TMEM132B: variants seen among roughly 807,000 people sequenced by gnomAD.
TMEM132B encodes the protein transmembrane protein 132B.
A neutral mutation model predicts 90.8 loss-of-function variants in TMEM132B; 18 were observed. That is an observed-to-expected ratio of 0.20 (90% CI 0.14 to 0.29). TMEM132B has a LOEUF of 0.29. Ranked by LOEUF, TMEM132B falls within the 10% of genes least tolerant of loss-of-function variation. The probability of loss-of-function intolerance (pLI) is 1.00; values close to 1 mark genes in which losing one functional copy is unlikely to be tolerated. For synonymous variants in TMEM132B, 504 were observed against 523.3 expected (o/e 0.96, Z 0.50); for missense variants, 1,096 against 1,326.8 (o/e 0.83, Z 2.70).
intron 1 of TMEM132B, among the ~76,000 whole-genome samples, chr12:125,283,438 C>A (rs1875256227): frequency 6.6e-6 from 1 of 152,104 alleles, no homozygotes; most frequent in Non-Finnish European, 1.5e-5. Context: ...TCTGTTCCTG[C>A]TGTGTACCCG....
At chr12:125,526,561 G>A (rs1883468990) in intron 4 of TMEM132B, among the ~76,000 whole-genome samples, 2 of 152,236 alleles carry the variant, frequency 1.3e-5, no homozygotes, top group South Asian at 2.1e-4. Context: ...GGTGCCCTCT[G>A]AGAAGGTGCT....
intron 4 of TMEM132B, among the ~76,000 whole-genome samples, chr12:125,561,452 A>T (rs1329868628): frequency 6.6e-6 from 1 of 152,152 alleles, no homozygotes; most frequent in Non-Finnish European, 1.5e-5. Context: ...GCAAACCACC[A>T]TGGCACGTGT....
At chr12:125,372,397 C>T (rs1050141277) in intron 2 of TMEM132B, among the ~76,000 whole-genome samples, 2 of 152,222 alleles carry the variant, frequency 1.3e-5, no homozygotes, top group East Asian at 3.8e-4. Flanking sequence ...TCTTCACTTA[C>T]AGCAATGCAG....
At position 125,207,078 on chromosome 12, in the gene TMEM132B, C is replaced by T. The variant is rs78593943; in HGVS notation, c.67+20212C>T. 4.5e-3 allele frequency among the ~76,000 whole-genome samples: 680 copies of T among 152,306 alleles called. 4 individuals are homozygous for T. Among genetic ancestry groups the T allele is most frequent in the African/African-American group, 0.016 (646 of 41,586 alleles). On this transcript the variant is annotated intron_variant, in intron 1 of 8. Transcript: ENST00000682704. ...TACCACTGGTTATCAACCAGCATCTCGTGGCACATACAGCCCAGGGCATAT... is the reference window on the plus strand; with the variant it reads ...TACCACTGGTTATCAACCAGCATCTTGTGGCACATACAGCCCAGGGCATAT...
intron 2 of TMEM132B, among the ~76,000 whole-genome samples, chr12:125,377,161 C>T (rs374996532): frequency 4.6e-5 from 7 of 152,232 alleles, no homozygotes; most frequent in African/African-American, 1.7e-4. Context: ...AACACCTGTG[C>T]AGGTGGGTAG....
At chr12:125,623,642 G>T (rs1056910749) in intron 5 of TMEM132B, among the ~76,000 whole-genome samples, 2 of 152,144 alleles carry the variant, frequency 1.3e-5, no homozygotes, top group African/African-American at 4.8e-5. Context: ...CAGCCACTGA[G>T]TCCTGGCATC....
chr12:125,555,498 G>A (rs1031929603), intron 4 of TMEM132B, among the ~76,000 whole-genome samples: 5 of 143,802 alleles, frequency 3.5e-5, no homozygotes, highest in African/African-American at 1.0e-4. Flanking sequence ...AAAAACAAGT[G>A]CCCAGTACAG....
chr12:125,188,912 A>C (rs957427854), intron 1 of TMEM132B, among the ~76,000 whole-genome samples: 2 of 150,866 alleles, frequency 1.3e-5, no homozygotes, highest in Admixed American at 6.6e-5. Context: ...AGCTGCCTAC[A>C]CTTGGTTTTG....
chr12:125,362,222 G>A (rs1024915587), intron 2 of TMEM132B, among the ~76,000 whole-genome samples: 1 of 152,156 alleles, frequency 6.6e-6, no homozygotes, highest in Non-Finnish European at 1.5e-5. Context: ...CTCCTGCTCA[G>A]CGCTTCCCTG....
intron 5 of TMEM132B, among the ~76,000 whole-genome samples, chr12:125,606,862 G>A (rs981915161): frequency 6.6e-6 from 1 of 152,290 alleles, no homozygotes; most frequent in African/African-American, 2.4e-5. Context: ...TGTCCCAGAA[G>A]ACCTGAGCAA....
chr12:125,224,441 T>G (rs141374945), intron 1 of TMEM132B, among the ~76,000 whole-genome samples: 276 of 151,140 alleles, frequency 1.8e-3, no homozygotes, highest in African/African-American at 6.6e-3. Context: ...GGGTGCCGAC[T>G]GTTTTCTGAT....
At chr12:125,496,286 G>C (rs1034067944) in intron 3 of TMEM132B, among the ~76,000 whole-genome samples, 1 of 152,092 alleles carries the variant, frequency 6.6e-6, no homozygotes, top group Non-Finnish European at 1.5e-5. Context: ...GGAAAGATTA[G>C]GCTACCAATG....
chr12:125,587,833 A>G (rs900120146), intron 5 of TMEM132B: 1 of 152,220 alleles, frequency 6.6e-6, no homozygotes, highest in Non-Finnish European at 1.5e-5. Context: ...CCGTAAGAAG[A>G]ACAATAAAAA....
At chr12:125,336,643 C>A (rs1233991433) in intron 1 of TMEM132B, among the ~76,000 whole-genome samples, 11 of 152,248 alleles carry the variant, frequency 7.2e-5, no homozygotes, top group African/African-American at 2.7e-4. Flanking sequence ...CATTCCTATA[C>A]ATGCAGTTGC....
intron 3 of TMEM132B, among the ~76,000 whole-genome samples, chr12:125,432,047 A>G (rs1402407281): frequency 7.4e-6 from 1 of 135,226 alleles, no homozygotes; most frequent in Admixed American, 7.5e-5. Context: ...TGATCCTGGG[A>G]CATGGATCAT....
In TMEM132B at chr12:125,209,337, G is replaced by T. The variant is rs1259216999; in HGVS notation, c.67+22471G>T. ...CGGATGGACCGCCCCAGGGGATGGT[G>T]CAGTGGGCTTGCTGTGTACCTTTGT... is the stretch of plus-strand genomic sequence containing the variant. On this transcript the variant is annotated intron_variant, in intron 1 of 8. Coordinates refer to ENST00000682704, the MANE Select transcript of TMEM132B (RefSeq NM_001366854.1). This position sits in a 1 kb window ranked among gnomAD's most constrained non-coding sequence, Gnocchi z 4.4. 6.6e-6 allele frequency among the ~76,000 whole-genome samples: 1 copy of T among 152,208 alleles called. No individual in the cohort carries two copies. The highest frequency in any genetic ancestry group is 1.9e-4 in the East Asian group (1 of 5,192).
At chr12:125,263,928 A>G (rs1412845832) in intron 1 of TMEM132B, among the ~76,000 whole-genome samples, 3 of 152,308 alleles carry the variant, frequency 2.0e-5, no homozygotes, top group East Asian at 1.9e-4. Flanking sequence ...GTGGTGTTCC[A>G]TGTATTAATT....
intron 1 of TMEM132B, among the ~76,000 whole-genome samples, chr12:125,340,051 G>A (rs1466700743): frequency 6.6e-6 from 1 of 152,182 alleles, no homozygotes; most frequent in Non-Finnish European, 1.5e-5. Context: ...GGATGTTTCA[G>A]GTCTTAACAA....
chr12:125,531,738 C>T (rs1883652877), intron 4 of TMEM132B, among the ~76,000 whole-genome samples: 1 of 152,242 alleles, frequency 6.6e-6, no homozygotes, highest in Admixed American at 6.5e-5. Context: ...CTGATTGATC[C>T]TACCCTCTCA....
Sources: gnomAD v4.1 joint callset for allele counts (sites outside exome capture counted in the v4.1 genomes callset) on GRCh38, gnomAD v4.1.1 for gene constraint, Gnocchi (gnomAD v3.1) non-coding constraint, MANE v1.5 for transcripts, NCBI Gene and HGNC (gene_info 2026-07-23, HGNC 2026-07-21) for gene names.